Variants in ROBO1 observed in about 807,000 individuals in gnomAD.
The protein encoded by ROBO1 is roundabout guidance receptor 1, also known as roundabout homolog 1.
Under a neutral mutation model 195.9 loss-of-function variants are expected in ROBO1, and 149 were observed. That is an observed-to-expected ratio of 0.76 (90% CI 0.67 to 0.87). The LOEUF (loss-of-function observed/expected upper bound fraction) is 0.87. ROBO1 is among the 40% of genes least tolerant of loss of function. The pLI, the probability that ROBO1 is intolerant of heterozygous loss-of-function variation, is 0.00. For synonymous variants in ROBO1, 816 were observed against 733.2 expected (o/e 1.11, Z -1.82); for missense variants, 1,933 against 2,068.3 (o/e 0.93, Z 1.27).
At position 78,961,749 on chromosome 3, in the gene ROBO1, G is replaced by A. The variant is rs75217449; in HGVS notation, c.173-22822C>T. On this transcript the variant is annotated intron_variant, in intron 3 of 30. Transcript: ENST00000464233. ...CTATAATGTAAAATAGTGCAATGGT[G>A]TAAGAATTCACCTTGTACAAGAATG... Among the ~76,000 whole-genome samples the A allele has an allele frequency of 8.3e-3, 1,266 of 152,262 alleles. 18 individuals carry two copies. Among genetic ancestry groups the A allele is most frequent in the East Asian group, 0.032 (164 of 5,176 alleles).
rs558006168 is a variant in ROBO1, at chr3:79,502,855, G to A, written c.88+86969C>T. 5.9e-5 allele frequency among the ~76,000 whole-genome samples: 9 copies of A among 152,126 alleles called. No individual in the cohort carries two copies. In the South Asian group the frequency reaches 1.9e-3, roughly 32 times the overall value. ...CAGTCTGTATCTAGCTAATCTAGTG[G>A]GGAGGTGGAGAACTTTTGTGTCTAG... On this transcript the variant is annotated intron_variant, in intron 2 of 30. Coordinates refer to ENST00000464233, the MANE Select transcript of ROBO1 (RefSeq NM_002941.4).
At chr3:79,172,350 CT>C (rs148405204) in intron 2 of ROBO1, among the ~76,000 whole-genome samples, 2,586 of 152,256 alleles carry the variant, frequency 0.017, 51 homozygotes, top group African/African-American at 0.055. Flanking sequence ...TTCCTTCTAT[CT>C]CTAAAAGTAA....
chr3:79,208,627 C>T (rs899302004), intron 2 of ROBO1, among the ~76,000 whole-genome samples: 8 of 151,440 alleles, frequency 5.3e-5, no homozygotes, highest in South Asian at 2.1e-4. Flanking sequence ...CAAAAGTGAA[C>T]ATGTAAGCAA....
rs563361283 is a variant in ROBO1, at chr3:78,989,802, A to C, written c.173-50875T>G. 3.3e-5 allele frequency among the ~76,000 whole-genome samples: 5 copies of C among 152,174 alleles called. No homozygotes were observed. In the South Asian group the frequency reaches 1.0e-3, roughly 32 times the overall value. ...CTATTCACTAATTTACTTCAAAAAA[A>C]CCCTATATACCATTGAAAAAAGATA... On this transcript the variant is annotated intron_variant, in intron 3 of 30. Transcript: ENST00000464233.
chr3:79,683,273 C>G (rs1485488405), intron 1 of ROBO1, among the ~76,000 whole-genome samples: 1 of 152,018 alleles, frequency 6.6e-6, no homozygotes, highest in Non-Finnish European at 1.5e-5. Context: ...CCCTCTTCCT[C>G]TCTCTGTCAT....
intron 3 of ROBO1, among the ~76,000 whole-genome samples, chr3:79,056,288 T>A (rs550472117): frequency 6.6e-6 from 1 of 152,116 alleles, no homozygotes; most frequent in African/African-American, 2.4e-5. Context: ...GTTGGACAAG[T>A]GCTTTCACCA....
At chr3:79,104,332 G>T (rs946464103) in intron 3 of ROBO1, among the ~76,000 whole-genome samples, 1 of 151,788 alleles carries the variant, frequency 6.6e-6, no homozygotes, top group African/African-American at 2.4e-5. Context: ...TACCTTACTT[G>T]AAGTTAGGCT....
chr3:79,633,562 T>A (rs529963801), intron 1 of ROBO1, among the ~76,000 whole-genome samples: 1 of 152,114 alleles, frequency 6.6e-6, no homozygotes, highest in East Asian at 1.9e-4. Flanking sequence ...TTAATTACTG[T>A]TAGTCCTGGT....
At chr3:79,222,771 A>G (rs2082162709) in intron 2 of ROBO1, among the ~76,000 whole-genome samples, 1 of 152,164 alleles carries the variant, frequency 6.6e-6, no homozygotes, top group South Asian at 2.1e-4. Context: ...TATAATATAA[A>G]TTAGAAAAAT....
At chr3:78,699,494 G>A (rs537814438) in intron 8 of ROBO1, among the ~76,000 whole-genome samples, 54 of 150,586 alleles carry the variant, frequency 3.6e-4, no homozygotes, top group African/African-American at 1.2e-3. Context: ...GCTTGAACCC[G>A]GGAGGTGGAG....
At chr3:79,141,277 C>T (rs2080519026) in intron 2 of ROBO1, among the ~76,000 whole-genome samples, 1 of 152,070 alleles carries the variant, frequency 6.6e-6, no homozygotes, top group African/African-American at 2.4e-5. Flanking sequence ...CCATCTGTGA[C>T]CATTAAAGGC....
intron 8 of ROBO1, chr3:78,693,430 A>G: frequency 9.2e-7 from 1 of 1,084,974 alleles, no homozygotes. Context: ...GAAAAGTAAT[A>G]AGATTTGACT....
intron 1 of ROBO1, among the ~76,000 whole-genome samples, chr3:79,707,739 A>C (rs1947817836): frequency 6.6e-6 from 1 of 152,014 alleles, no homozygotes; most frequent in Non-Finnish European, 1.5e-5. Flanking sequence ...CGATCTCCTA[A>C]TCTTGTGATC....
intron 8 of ROBO1, among the ~76,000 whole-genome samples, chr3:78,703,622 G>A (rs979614939): frequency 4.6e-5 from 7 of 152,160 alleles, no homozygotes; most frequent in Admixed American, 2.6e-4. Context: ...AGGAGGAGAA[G>A]GAGAAGAAAG....
intron 4 of ROBO1, among the ~76,000 whole-genome samples, chr3:78,839,740 C>A (rs2033045215): frequency 6.6e-6 from 1 of 151,974 alleles, no homozygotes; most frequent in Non-Finnish European, 1.5e-5. Flanking sequence ...ATATGAAAAC[C>A]ACTTCTTTTC....
chr3:78,847,124 AT>A lies in ROBO1; in HGVS notation c.499+91476del, dbSNP rs547942494. On this transcript the variant is annotated intron_variant, in intron 4 of 30. Coordinates refer to ENST00000464233, the MANE Select transcript of ROBO1 (RefSeq NM_002941.4). ...AGGCTCCAGGCTGCAAAATGAAATGATTTTTTTTAAAGGCAAGGGAAGGGGA... is the reference window on the plus strand; with the variant it reads ...AGGCTCCAGGCTGCAAAATGAAATGATTTTTTTAAAGGCAAGGGAAGGGGA... Among the ~76,000 whole-genome samples the A allele has an allele frequency of 6.6e-5, 10 of 152,154 alleles. No individual in the cohort carries two copies. In the South Asian group the frequency reaches 1.5e-3, roughly 22 times the overall value.
At chr3:78,609,320 T>C (rs939099855) in intron 28 of ROBO1, among the ~76,000 whole-genome samples, 1 of 152,150 alleles carries the variant, frequency 6.6e-6, no homozygotes, top group Non-Finnish European at 1.5e-5. Flanking sequence ...TGGGCTTGAA[T>C]GGTTTTCTAT....
chr3:79,567,203 G>A (rs1943118137), intron 2 of ROBO1, among the ~76,000 whole-genome samples: 1 of 152,150 alleles, frequency 6.6e-6, no homozygotes, highest in Admixed American at 6.6e-5. Context: ...GCTGAACGAT[G>A]AGAACACATG....
At chr3:79,486,068 A>G (rs1371068856) in intron 2 of ROBO1, among the ~76,000 whole-genome samples, 1 of 152,188 alleles carries the variant, frequency 6.6e-6, no homozygotes, top group Admixed American at 6.5e-5. Context: ...AAAACATGTT[A>G]TTCTTTATTA....
Sources: gnomAD v4.1 joint callset for allele counts (sites outside exome capture counted in the v4.1 genomes callset) on GRCh38, gnomAD v4.1.1 for gene constraint, MANE v1.5 for transcripts, NCBI Gene and HGNC (gene_info 2026-07-23, HGNC 2026-07-21) for gene names.